The following FANCD2 variants were observed in gnomAD, a reference collection of about 807,000 sequenced individuals.
FANCD2 encodes FA complementation group D2.
Under a neutral mutation model 192.3 loss-of-function variants are expected in FANCD2, and 131 were observed. The observed-to-expected ratio is 0.68, with a 90% CI of 0.59 to 0.79. FANCD2 has a LOEUF of 0.79. Among genes scored for constraint, FANCD2 ranks in the 30% least tolerant of loss-of-function variants. FANCD2 has a pLI of 0.00. For missense variants in FANCD2, 1,508 were observed against 1,701.6 expected (o/e 0.89, Z 2.00); for synonymous variants, 524 against 612.5 (o/e 0.86, Z 2.13).
At chr3:10,098,843 G>C in intron 43 of FANCD2, 28 bp downstream of exon 43, 1 of 1,614,180 alleles carries the variant, frequency 6.2e-7, no homozygotes, top group South Asian at 1.1e-5. Flanking sequence ...ACCAGAGTCT[G>C]GCACTGATGG....
intron 14 of FANCD2, among the ~76,000 whole-genome samples, chr3:10,044,496 C>T (rs1251147161): frequency 6.6e-5 from 10 of 151,880 alleles, no homozygotes; most frequent in African/African-American, 1.5e-4. Context: ...AGCGAAACCC[C>T]GTCTCTACTA....
chr3:10,080,902 C>T (rs1269091566), intron 30 of FANCD2, among the ~76,000 whole-genome samples, 198 bp from the exon 31 acceptor site: 2 of 152,226 alleles, frequency 1.3e-5, no homozygotes, highest in African/African-American at 4.8e-5. Flanking sequence ...TCCTACTCTA[C>T]AAAAGCCAAT....
intron 32 of FANCD2, among the ~76,000 whole-genome samples, chr3:10,085,394 C>CTTTTTTTTTTTTTTTTT (rs1242296810): frequency 7.3e-6 from 1 of 136,940 alleles, no homozygotes; most frequent in Non-Finnish European, 1.6e-5. Context: ...TTTTTTCTTT[C>CTTTTTTTTTTTTTTTTT]TTTTTTTTTT....
intron 10 of FANCD2, 136 bp from the exon 11 acceptor site, chr3:10,042,422 AT>A: frequency 1.4e-6 from 1 of 734,766 alleles, no homozygotes; most frequent in Non-Finnish European, 2.4e-6. Flanking sequence ...AAAATCTAAA[AT>A]TTTGTTTTTC....
intron 32 of FANCD2, among the ~76,000 whole-genome samples, chr3:10,082,940 A>G (rs1202115568): frequency 2.6e-5 from 4 of 152,196 alleles, no homozygotes; most frequent in African/African-American, 9.7e-5. Flanking sequence ...TAAACATGTG[A>G]AAGGGGCCTG....
chr3:10,026,843 G>A (rs553180087), intron 1 of FANCD2, among the ~76,000 whole-genome samples: 1 of 152,266 alleles, frequency 6.6e-6, no homozygotes, highest in East Asian at 1.9e-4. Context: ...ATGGTTATCC[G>A]TATTAACCGA....
intron 17 of FANCD2, among the ~76,000 whole-genome samples, chr3:10,051,403 A>G (rs2087206558): frequency 9.8e-5 from 1 of 10,228 alleles, no homozygotes; most frequent in Non-Finnish European, 1.5e-4. Flanking sequence ...AAAAAAAAAA[A>G]AAAACAAAAA....
intron 25 of FANCD2, among the ~76,000 whole-genome samples, chr3:10,066,541 A>C (rs920106753): frequency 3.3e-5 from 5 of 152,214 alleles, no homozygotes; most frequent in Non-Finnish European, 5.9e-5. Context: ...TTAAGTACTT[A>C]CACTGTACCA....
At chr3:10,060,564 T>G (rs2087536357) in intron 19 of FANCD2, among the ~76,000 whole-genome samples, 161 bp downstream of exon 19, 1 of 152,256 alleles carries the variant, frequency 6.6e-6, no homozygotes. Context: ...TGACTGTATA[T>G]ATTACCATGT....
intron 30 of FANCD2, 121 bp from the exon 31 acceptor site, chr3:10,080,979 A>G: frequency 1.9e-6 from 2 of 1,050,382 alleles, no homozygotes; most frequent in Middle Eastern, 4.4e-4. Context: ...TAGGTTAACA[A>G]CTCATTTCTC....
chr3:10,080,007 T>C (rs1220597405), intron 30 of FANCD2, among the ~76,000 whole-genome samples: 2 of 150,058 alleles, frequency 1.3e-5, no homozygotes, highest in Non-Finnish European at 3.0e-5. Context: ...TTCCGCCTCC[T>C]GGGTTCAAGC....
chr3:10,027,528 G>A (rs2124958575), intron 1 of FANCD2, among the ~76,000 whole-genome samples: 1 of 152,266 alleles, frequency 6.6e-6, no homozygotes, highest in Middle Eastern at 3.4e-3. Flanking sequence ...GTTTCAGTAT[G>A]AGTATCTATT....
intron 30 of FANCD2, among the ~76,000 whole-genome samples, chr3:10,078,512 G>A (rs1249382276): frequency 3.9e-5 from 6 of 151,926 alleles, no homozygotes; most frequent in East Asian, 2.0e-4. Context: ...CTGCCACCAC[G>A]CCTGGCTAAT....
At position 10,070,017 on chromosome 3, in the gene FANCD2, G is replaced by C. The variant is rs1400974230; in HGVS notation, c.2494+2700G>C. Reference sequence around the variant, plus strand: ...GCCGCCATCCCATCTAGGAAGTGAGGAGCGTCTCTGCCCGGCCACCCATCG... The same window carrying C: ...GCCGCCATCCCATCTAGGAAGTGAGCAGCGTCTCTGCCCGGCCACCCATCG... On this transcript the variant is annotated intron_variant, in intron 26 of 43. Transcript: ENST00000675286. Among the ~76,000 whole-genome samples, 15 of 151,486 alleles carry C rather than the reference G, an allele frequency of 9.9e-5. No individual in the cohort carries two copies. In the South Asian group the frequency reaches 3.1e-3, roughly 32 times the overall value.
intron 7 of FANCD2, among the ~76,000 whole-genome samples, chr3:10,037,011 GTT>G (rs376394589): frequency 7.0e-6 from 1 of 143,588 alleles, no homozygotes. Context: ...AATTTTCGTG[GTT>G]TTTTTTTTTT....
At chr3:10,066,900 T>A (rs901517320) in intron 25 of FANCD2, among the ~76,000 whole-genome samples, 4 of 152,138 alleles carry the variant, frequency 2.6e-5, no homozygotes, top group Non-Finnish European at 5.9e-5. Flanking sequence ...AATTTTTGTA[T>A]TTTTGGTAGA....
At chr3:10,080,991 C>A in intron 30 of FANCD2, 109 bp from the exon 31 acceptor site, 1 of 1,169,110 alleles carries the variant, frequency 8.6e-7, no homozygotes, top group Non-Finnish European at 1.3e-6. Context: ...TCATTTCTCC[C>A]ATCTGCTCCT....
chr3:10,088,440 T>C lies in FANCD2; in HGVS notation c.3467-9T>C, dbSNP rs1694370085. 6.3e-7 allele frequency: 1 copy of C among 1,583,510 alleles called. No homozygotes were observed. Among genetic ancestry groups the C allele is most frequent in the African/African-American group, 1.3e-5 (1 of 74,390 alleles). ...ATATGTAAGATTCCTTTGTCTTCTT[T>C]TCTAACAGCTTCCCTTGCCAGACAA... is the stretch of plus-strand genomic sequence containing the variant. On this transcript the variant is annotated splice_polypyrimidine_tract_variant and intron_variant, in intron 34 of 43. Coordinates refer to ENST00000675286, the MANE Select transcript of FANCD2 (RefSeq NM_001018115.3).
chr3:10,070,509 GGGT>G (rs1693164510), intron 26 of FANCD2, among the ~76,000 whole-genome samples: 3 of 83,636 alleles, frequency 3.6e-5, no homozygotes, highest in African/African-American at 1.5e-4. Flanking sequence ...GAGGTGGGGG[GGGT>G]CAGCCCCCTG....
Sources: allele counts gnomAD v4.1 joint callset (sites outside exome capture counted in the v4.1 genomes callset), GRCh38; gene constraint gnomAD v4.1.1; transcripts MANE v1.5; gene names NCBI Gene and HGNC (gene_info 2026-07-23, HGNC 2026-07-21).